SLC8A1: variants seen among roughly 807,000 people sequenced by gnomAD.
The protein encoded by SLC8A1 is sodium/calcium exchanger 1.
SLC8A1 carries 18 observed loss-of-function variants against 68.3 expected under a neutral mutation model. That is an observed-to-expected ratio of 0.26 (90% CI 0.18 to 0.39). SLC8A1 has a LOEUF of 0.39. Among genes scored for constraint, SLC8A1 ranks in the 10% least tolerant of loss-of-function variants. The probability of loss-of-function intolerance (pLI) is 1.00; values close to 1 mark genes in which losing one functional copy is unlikely to be tolerated. For synonymous variants in SLC8A1, 475 were observed against 415.5 expected (o/e 1.14, Z -1.74); for missense variants, 985 against 1,156.7 (o/e 0.85, Z 2.15).
intron 1 of SLC8A1, among the ~76,000 whole-genome samples, chr2:40,449,945 A>T (rs920499821): frequency 6.6e-6 from 1 of 152,218 alleles, no homozygotes; most frequent in Non-Finnish European, 1.5e-5. Flanking sequence ...GGCTTCTTTT[A>T]TAGCAGGTGT....
At chr2:40,486,636 G>C (rs549149459) in intron 1 of SLC8A1, among the ~76,000 whole-genome samples, 28 of 152,104 alleles carry the variant, frequency 1.8e-4, no homozygotes, top group African/African-American at 6.3e-4. Flanking sequence ...TAGAAAGAAT[G>C]GGTAGAAAAA....
At chr2:40,466,020 A>C (rs1235872953) in intron 1 of SLC8A1, among the ~76,000 whole-genome samples, 9 of 152,142 alleles carry the variant, frequency 5.9e-5, no homozygotes, top group Non-Finnish European at 8.8e-5. Flanking sequence ...AGGCCCTGAC[A>C]AGATGCCAGC....
At chr2:40,252,880 ATTTTGAGC>A (rs1558964500) in intron 2 of SLC8A1, among the ~76,000 whole-genome samples, 3 of 132,234 alleles carry the variant, frequency 2.3e-5, no homozygotes, top group African/African-American at 5.6e-5. Context: ...AATAATATAT[ATTTTGAGC>A]CAAATTTTAT....
At chr2:40,508,352 TAAAA>T (rs71406076) in intron 1 of SLC8A1, among the ~76,000 whole-genome samples, 1 of 143,548 alleles carries the variant, frequency 7.0e-6, no homozygotes, top group Non-Finnish European at 1.5e-5. Context: ...AAGGTAAAAG[TAAAA>T]AAAAAAAAAA....
chr2:40,241,711 G>C (rs867315248), intron 2 of SLC8A1, among the ~76,000 whole-genome samples: 20 of 152,194 alleles, frequency 1.3e-4, no homozygotes, highest in Middle Eastern at 6.8e-3. Flanking sequence ...GCCTGGGACA[G>C]ACACCCATAC....
intron 2 of SLC8A1, among the ~76,000 whole-genome samples, chr2:40,215,064 GTATT>G (rs1235613005): frequency 3.3e-5 from 5 of 152,232 alleles, no homozygotes; most frequent in African/African-American, 9.6e-5. Context: ...TTTGTGCTAT[GTATT>G]TATTATATGT....
At chr2:40,479,981 C>G (rs900320606) in intron 1 of SLC8A1, among the ~76,000 whole-genome samples, 1 of 152,030 alleles carries the variant, frequency 6.6e-6, no homozygotes, top group Non-Finnish European at 1.5e-5. Flanking sequence ...AACTGAGGAC[C>G]TATGATAAGG....
chr2:40,343,005 C>T (rs1035203155), intron 2 of SLC8A1, among the ~76,000 whole-genome samples: 2 of 151,796 alleles, frequency 1.3e-5, no homozygotes. Context: ...GTTGCATAAG[C>T]TTAAACTTAA....
intron 6 of SLC8A1, among the ~76,000 whole-genome samples, chr2:40,146,014 C>A (rs1271297665): frequency 6.6e-6 from 1 of 152,046 alleles, no homozygotes; most frequent in Admixed American, 6.6e-5. Context: ...TTCTCTATAC[C>A]TTAATTGGTG....
intron 2 of SLC8A1, among the ~76,000 whole-genome samples, chr2:40,343,098 TA>T (rs1160935412): frequency 2.0e-5 from 3 of 152,086 alleles, no homozygotes; most frequent in South Asian, 4.2e-4. Flanking sequence ...GATATTCTAT[TA>T]AAAAAAGGAA....
chr2:40,470,216 C>T (rs376381887), intron 1 of SLC8A1, among the ~76,000 whole-genome samples: 1 of 152,224 alleles, frequency 6.6e-6, no homozygotes, highest in African/African-American at 2.4e-5. Context: ...TAAAGCTCTA[C>T]ACTTTGGGAA....
chr2:40,171,559 T>C (rs1399734595), intron 4 of SLC8A1, among the ~76,000 whole-genome samples: 1 of 152,154 alleles, frequency 6.6e-6, no homozygotes, highest in Non-Finnish European at 1.5e-5. Flanking sequence ...TAGATACATG[T>C]GGGTTTTGAG....
intron 2 of SLC8A1, among the ~76,000 whole-genome samples, chr2:40,346,047 T>TAAAAAAAAAAA (rs774555210): frequency 6.4e-3 from 265 of 41,692 alleles, no homozygotes; most frequent in Non-Finnish European, 8.3e-3. Context: ...ACATTAACAG[T>TAAAAAAAAAAA]AAAAAAAAAA....
exon 8 of SLC8A1, chr2:40,115,087 G>T: frequency 2.5e-6 from 1 of 401,002 alleles, no homozygotes; most frequent in Non-Finnish European, 4.2e-6. Context: ...CCTGGGAATG[G>T]GAGGTGATGG....
chr2:40,511,423 C>G (rs1388328533), intron 1 of SLC8A1, among the ~76,000 whole-genome samples: 2 of 152,128 alleles, frequency 1.3e-5, no homozygotes, highest in Non-Finnish European at 2.9e-5. Context: ...TTAATAACTA[C>G]AATTTGGTAA....
chr2:40,350,587 CAAAAAAAAAAAAAAAAAA>C (rs572258156), intron 2 of SLC8A1, among the ~76,000 whole-genome samples: 8 of 76,222 alleles, frequency 1.0e-4, no homozygotes, highest in Admixed American at 1.9e-4. Context: ...CCCAGACAAG[CAAAAAAAAAAAAAAAAAA>C]AAAAAAAAAA....
chr2:40,239,883 C>T (rs2060977023), intron 2 of SLC8A1, among the ~76,000 whole-genome samples: 1 of 152,306 alleles, frequency 6.6e-6, no homozygotes, highest in East Asian at 1.9e-4. Context: ...ATGTAGATTA[C>T]TTCTTTTACC....
rs953175491 is a variant in SLC8A1, at chr2:40,159,573, G to C, written c.2161+1192C>G. 1.7e-4 allele frequency among the ~76,000 whole-genome samples: 26 copies of C among 152,246 alleles called. 1 individual carries two copies. The highest frequency in any genetic ancestry group is 1.4e-3 in the Admixed American group (22 of 15,282). On this transcript the variant is annotated intron_variant, in intron 6 of 7. Transcript: ENST00000406785. ...AATTTTTGTCTGCTTAGTTGTGTCT[G>C]TGAAGAGGGAGTATAGCTCATGCCT...
chr2:40,493,523 T>A (rs972195879), intron 1 of SLC8A1, among the ~76,000 whole-genome samples: 10 of 149,060 alleles, frequency 6.7e-5, no homozygotes, highest in South Asian at 4.2e-4. Flanking sequence ...AAATAAAATT[T>A]AAAAAAAAAG....
Sources: allele counts gnomAD v4.1 joint callset (sites outside exome capture counted in the v4.1 genomes callset), GRCh38; gene constraint gnomAD v4.1.1; transcripts MANE v1.5; gene names NCBI Gene and HGNC (gene_info 2026-07-23, HGNC 2026-07-21).